The following EXOC4 variants were observed in gnomAD, a reference collection of about 807,000 sequenced individuals.
EXOC4 encodes the protein exocyst complex component 4, also known as SEC8-like 1.
Under a neutral mutation model 107.2 loss-of-function variants are expected in EXOC4, and 71 were observed. That is an observed-to-expected ratio of 0.66 (90% confidence interval 0.55 to 0.81). The LOEUF is 0.81. Ranked by LOEUF, EXOC4 falls within the 30% of genes least tolerant of loss-of-function variation. The probability of loss-of-function intolerance (pLI) is 0.00; values close to 1 mark genes in which losing one functional copy is unlikely to be tolerated. For synonymous variants in EXOC4, 456 were observed against 441.2 expected, an observed-to-expected ratio of 1.03 and a Z score of -0.42; for missense variants, 1,108 against 1,189.6, an observed-to-expected ratio of 0.93 and a Z score of 1.01.
At chr7:133,954,550 A>G (rs934037984) in intron 14 of EXOC4, among the ~76,000 whole-genome samples, 2 of 152,230 alleles carry the variant, frequency 1.3e-5, no homozygotes, top group African/African-American at 2.4e-5. Flanking sequence ...CTGGACACAA[A>G]TATTTTTCGC....
Position 133,502,996 on chromosome 7 carries a change from A to T in EXOC4, c.1417+22858A>T, listed in dbSNP as rs1437779690. Among the ~76,000 whole-genome samples the T allele has an allele frequency of 5.9e-5, 9 of 152,142 alleles. No individual in the cohort carries two copies. The East Asian group carries it at 1.7e-3, about 29-fold the overall frequency. On this transcript the variant is annotated intron_variant, in intron 9 of 17. Transcript: ENST00000253861. ...CCCTGTTTTCATATTTGCATGTATG[A>T]TGAATTGCCTATCTATAAATAGTGT... is the stretch of plus-strand genomic sequence containing the variant.
intron 10 of EXOC4, among the ~76,000 whole-genome samples, chr7:133,747,953 C>T (rs1284286395): frequency 3.3e-5 from 5 of 152,174 alleles, no homozygotes; most frequent in Non-Finnish European, 7.3e-5. Context: ...AAGATTTGGT[C>T]TTTCAGATTC....
At chr7:133,293,760 G>A (rs1794459306) in intron 3 of EXOC4, among the ~76,000 whole-genome samples, 1 of 152,140 alleles carries the variant, frequency 6.6e-6, no homozygotes, top group South Asian at 2.1e-4. Context: ...CTGGCCTTTT[G>A]TTTCTTTCTT....
At chr7:133,471,408 ATCTC>A (rs1798874884) in intron 7 of EXOC4, among the ~76,000 whole-genome samples, 2 of 150,322 alleles carry the variant, frequency 1.3e-5, no homozygotes. Context: ...GCAAGACTTC[ATCTC>A]AAAAAAAAAA....
At chr7:133,500,038 T>G (rs147370326) in intron 9 of EXOC4, among the ~76,000 whole-genome samples, 235 of 152,216 alleles carry the variant, frequency 1.5e-3, no homozygotes, top group African/African-American at 5.4e-3. Context: ...AGTTACTTGA[T>G]TATAGTCACA....
At chr7:133,352,118 T>G (rs1760050761) in intron 5 of EXOC4, among the ~76,000 whole-genome samples, 1 of 151,956 alleles carries the variant, frequency 6.6e-6, no homozygotes, top group South Asian at 2.1e-4. Context: ...CTGGAAAATG[T>G]CCCATGTGTA....
chr7:133,771,249 CA>C (rs1796237951), intron 10 of EXOC4: 1 of 152,018 alleles, frequency 6.6e-6, no homozygotes, highest in Non-Finnish European at 1.5e-5. Flanking sequence ...TATCAACTGA[CA>C]GGCTCTTTTC....
chr7:133,263,471 T>C (rs1793633079), intron 1 of EXOC4, among the ~76,000 whole-genome samples: 2 of 143,334 alleles, frequency 1.4e-5, no homozygotes, highest in South Asian at 4.8e-4. Flanking sequence ...ATCCTCTGCC[T>C]CCCAAGCTCA....
chr7:133,536,051 A>T (rs1800264017), intron 9 of EXOC4, among the ~76,000 whole-genome samples: 1 of 152,164 alleles, frequency 6.6e-6, no homozygotes, highest in African/African-American at 2.4e-5. Context: ...TAATGGGAAG[A>T]GTGTAGGCTT....
chr7:133,270,847 C>T (rs1027422915), intron 1 of EXOC4, among the ~76,000 whole-genome samples: 1 of 151,640 alleles, frequency 6.6e-6, no homozygotes, highest in Admixed American at 6.6e-5. Context: ...TAATCCCACA[C>T]TGAAATTTGC....
intron 17 of EXOC4, among the ~76,000 whole-genome samples, chr7:134,061,507 G>A (rs867138680): frequency 2.0e-5 from 3 of 152,046 alleles, no homozygotes; most frequent in Non-Finnish European, 4.4e-5. Flanking sequence ...TTTCATAGGC[G>A]CCCCAAGGTA....
chr7:133,875,404 G>A (rs374018777), intron 11 of EXOC4, among the ~76,000 whole-genome samples: 51 of 152,286 alleles, frequency 3.3e-4, no homozygotes, highest in Middle Eastern at 3.4e-3. Flanking sequence ...TATGACAATC[G>A]TATGTCCTTC....
At chr7:133,515,583 C>G (rs1450064617) in intron 9 of EXOC4, among the ~76,000 whole-genome samples, 1 of 152,086 alleles carries the variant, frequency 6.6e-6, no homozygotes, top group African/African-American at 2.4e-5. Flanking sequence ...ATCCTCCCAC[C>G]TCAGCCTCCC....
chr7:133,321,254 G>A (rs1795104277), intron 5 of EXOC4, among the ~76,000 whole-genome samples: 1 of 151,868 alleles, frequency 6.6e-6, no homozygotes, highest in Non-Finnish European at 1.5e-5. Flanking sequence ...GTCCTATTTT[G>A]AGGTAGAGTT....
chr7:134,094,320 G>A, the EXOC4 span, among the ~76,000 whole-genome samples: 1 of 152,140 alleles, frequency 6.6e-6, no homozygotes, highest in Non-Finnish European at 1.5e-5. Flanking sequence ...TGAAGGAAAT[G>A]CATAAATTCC....
intron 17 of EXOC4, among the ~76,000 whole-genome samples, chr7:134,049,888 G>A (rs1332440655): frequency 6.6e-6 from 1 of 152,204 alleles, no homozygotes. Flanking sequence ...ATAAGACACA[G>A]TCTTTGACAT....
intron 10 of EXOC4, among the ~76,000 whole-genome samples, chr7:133,700,314 A>G (rs76291598): frequency 6.6e-6 from 1 of 151,256 alleles, no homozygotes; most frequent in Admixed American, 6.6e-5. Flanking sequence ...TTGAGGGACT[A>G]TTTTTTTTTA....
chr7:133,735,063 A>C (rs1193296922), intron 10 of EXOC4, among the ~76,000 whole-genome samples: 1 of 148,780 alleles, frequency 6.7e-6, no homozygotes, highest in East Asian at 2.0e-4. Flanking sequence ...AAAAAAAAAA[A>C]AAAAATACAA....
intron 10 of EXOC4, among the ~76,000 whole-genome samples, chr7:133,791,856 T>C (rs1414941810): frequency 6.6e-6 from 1 of 152,210 alleles, no homozygotes; most frequent in Non-Finnish European, 1.5e-5. Flanking sequence ...TGCTGCCTAA[T>C]ATTTGGAAAT....
Sources: allele counts gnomAD v4.1 joint callset (sites outside exome capture counted in the v4.1 genomes callset), GRCh38; gene constraint gnomAD v4.1.1; transcripts MANE v1.5; gene names NCBI Gene and HGNC (gene_info 2026-07-23, HGNC 2026-07-21).